Variants in AP3B2 observed in about 807,000 individuals in gnomAD.
AP3B2 encodes the protein AP-3 complex subunit beta-2.
Under a neutral mutation model 126.9 loss-of-function variants are expected in AP3B2, and 50 were observed. The ratio of observed to expected loss-of-function variants is 0.39; its 90% CI spans 0.31 to 0.50. The LOEUF is 0.50. Among genes scored for constraint, AP3B2 ranks in the 20% least tolerant of loss-of-function variants. The pLI, the probability that AP3B2 is intolerant of heterozygous loss-of-function variation, is 0.79. For missense variants in AP3B2, 1,177 were observed against 1,426.4 expected, an observed-to-expected ratio of 0.83 and a Z score of 2.82; for synonymous variants, 541 against 565.0, an observed-to-expected ratio of 0.96 and a Z score of 0.60.
At position 82,665,462 on chromosome 15, in the gene AP3B2, C is replaced by A; in HGVS notation, c.1966G>T (p.Val656Leu). Residue 656 changes from valine (V) to leucine (L), a missense_variant, in exon 16 of 27, where the codon GTG (valine) becomes TTG (leucine). Around this residue, in one of 5 missense-constraint regions of AP3B2, gnomAD observed 587 missense variants for 571.3 expected, o/e 1.03. Coordinates refer to ENST00000535359, the MANE Select transcript of AP3B2 (RefSeq NM_001278512.2). The surrounding 1 kb of genome is among the most constrained non-coding windows in gnomAD (Gnocchi z 4.4). ...CAACCCTCCACCCCGCTGACCTCCACGTTGCGCACAGATGGGTCTGGGGCT... is the reference window on the plus strand; with the variant it reads ...CAACCCTCCACCCCGCTGACCTCCAAGTTGCGCACAGATGGGTCTGGGGCT... ...EEAPDPSVRNVEEEDLSLIET... is the reference protein window; with the variant it reads ...EEAPDPSVRNLEEEDLSLIET... The A allele has an allele frequency of 6.2e-7, 1 of 1,612,546 alleles. No homozygotes were observed. The highest frequency in any genetic ancestry group is 8.5e-7 in the Non-Finnish European group (1 of 1,179,152).
At position 82,681,249 on chromosome 15, in the gene AP3B2, G is replaced by A. The variant is rs2048335468; in HGVS notation, c.522-71C>T. ...CCTTCCCAATATCTGTCCAAGCCAT[G>A]CTCACCTCCTGCACCCCAGCCTTAT... On this transcript the variant is annotated intron_variant, in intron 5 of 26. Transcript: ENST00000535359. The surrounding 1 kb of genome is among the most constrained non-coding windows in gnomAD (Gnocchi z 4.0). 5 of 1,548,846 alleles carry A rather than the reference G, an allele frequency of 3.2e-6. No individual in the cohort carries two copies. Among genetic ancestry groups the A allele is most frequent in the Non-Finnish European group, 4.4e-6 (5 of 1,139,008 alleles).
At position 82,670,119 on chromosome 15, in the gene AP3B2, G is replaced by A. The variant is rs1035019534; in HGVS notation, c.1666-3186C>T. On this transcript the variant is annotated intron_variant, in intron 14 of 26. Transcript: ENST00000535359. ...CAGTGGCTTTTTTTTTTTTGGCGGG[G>A]GGGGACGAAGATGAAGTCTCGCTCT... is the stretch of plus-strand genomic sequence containing the variant. 3.2e-3 allele frequency among the ~76,000 whole-genome samples: 432 copies of A among 135,596 alleles called. 41 individuals carry two copies. Among genetic ancestry groups the A allele is most frequent in the Admixed American group, 0.027 (357 of 13,118 alleles). The allele number at this position is 135,596 out of a possible 152,430, so 89.0% of individuals were successfully genotyped here.
chr15:82,668,764 G>A (rs2048099498), intron 14 of AP3B2, among the ~76,000 whole-genome samples: 1 of 151,912 alleles, frequency 6.6e-6, no homozygotes, highest in Non-Finnish European at 1.5e-5. Context: ...AGGATGTGCA[G>A]GAATTACAGG....
rs1404674126 is a variant in AP3B2 at position 82,661,930 on chromosome 15, G to A, written c.2919-8C>T. On this transcript the variant is annotated splice_region_variant and splice_polypyrimidine_tract_variant and intron_variant, in intron 24 of 26. Coordinates refer to ENST00000535359, the MANE Select transcript of AP3B2 (RefSeq NM_001278512.2). The stretch of plus-strand genomic sequence containing the variant: ...AACTGTCGGGTCTGGGTGCTGGGAG[G>A]GGTGGGAGGAAACGGAGAAGAATTA... 1.2e-6 allele frequency: 2 copies of A among 1,611,934 alleles called. No individual in the cohort carries two copies. Among genetic ancestry groups the A allele is most frequent in the Non-Finnish European group, 1.7e-6 (2 of 1,178,348 alleles).
chr15:82,679,719 C>A lies in AP3B2; in HGVS notation c.1182+10G>T. On this transcript the variant is annotated intron_variant, in intron 10 of 26. Transcript: ENST00000535359. ...GCTGGGAAGCACATGCACTTCTGTC[C>A]CTCACTCACCTTCAGGATCTTAATC... The A allele has an allele frequency of 6.2e-7, 1 of 1,612,268 alleles. No homozygotes were observed. Among genetic ancestry groups the A allele is most frequent in the African/African-American group, 1.3e-5 (1 of 74,962 alleles).
intron 4 of AP3B2, chr15:82,685,517 G>A (rs962418600): frequency 2.6e-5 from 4 of 152,138 alleles, no homozygotes; most frequent in African/African-American, 9.7e-5. Flanking sequence ...CAAAATTCTG[G>A]AATTGACTTT....
At chr15:82,708,300 C>A (rs558894318) in intron 1 of AP3B2, among the ~76,000 whole-genome samples, 1 of 151,940 alleles carries the variant, frequency 6.6e-6, no homozygotes, top group Non-Finnish European at 1.5e-5. Context: ...CATTTCCCTT[C>A]GCTGACTCTT....
intron 23 of AP3B2, chr15:82,662,462 A>T: frequency 1.5e-6 from 1 of 646,360 alleles, no homozygotes; most frequent in Admixed American, 2.9e-5. Context: ...CATTTAAGTT[A>T]GTCCTGAAAC....
At chr15:82,669,236 A>C (rs1240498003) in intron 14 of AP3B2, among the ~76,000 whole-genome samples, 1 of 152,256 alleles carries the variant, frequency 6.6e-6, no homozygotes, top group African/African-American at 2.4e-5. Context: ...TAGAGCAATC[A>C]GACAGGAGAA....
At chr15:82,661,739 A>T in intron 25 of AP3B2, 86 bp downstream of exon 25, 1 of 1,132,036 alleles carries the variant, frequency 8.8e-7, no homozygotes, top group Non-Finnish European at 1.3e-6. Flanking sequence ...GATGAAGGAC[A>T]CCACCATTCT....
At chr15:82,688,684 G>A (rs761808805) in intron 4 of AP3B2, 52 bp downstream of exon 4, 49 of 1,510,494 alleles carry the variant, frequency 3.2e-5, no homozygotes, top group Admixed American at 7.7e-5. Flanking sequence ...CTACTCCTCC[G>A]ATACAGCGCC....
intron 1 of AP3B2, among the ~76,000 whole-genome samples, chr15:82,704,768 C>T (rs1005182311): frequency 5.2e-5 from 8 of 152,404 alleles, no homozygotes; most frequent in Middle Eastern, 3.4e-3. Context: ...TGGACCATCA[C>T]AGATGCTTTG....
intron 1 of AP3B2, among the ~76,000 whole-genome samples, chr15:82,703,647 G>T (rs1241159193): frequency 6.6e-6 from 1 of 152,068 alleles, no homozygotes; most frequent in Non-Finnish European, 1.5e-5. Flanking sequence ...CATCCTACAA[G>T]ATCTAGATAA....
chr15:82,699,206 C>G (rs1429903250), intron 1 of AP3B2: 1 of 154,826 alleles, frequency 6.5e-6, no homozygotes, highest in African/African-American at 2.4e-5. Flanking sequence ...GGGGGTCAGT[C>G]ATGCTCACCT....
chr15:82,692,096 G>A (rs1379578786), intron 1 of AP3B2: 8 of 1,495,046 alleles, frequency 5.4e-6, no homozygotes, highest in Non-Finnish European at 7.4e-6. Context: ...CCACCACGGG[G>A]CCACCCACCC....
chr15:82,687,106 T>C (rs2048440659), intron 4 of AP3B2: 1 of 152,210 alleles, frequency 6.6e-6, no homozygotes. Context: ...GGTAGTTGTC[T>C]TGAGATGGAG....
At chr15:82,673,512 C>T (rs1168975647) in intron 14 of AP3B2, among the ~76,000 whole-genome samples, 1 of 151,934 alleles carries the variant, frequency 6.6e-6, no homozygotes, top group Non-Finnish European at 1.5e-5. Context: ...CTGAACCCAG[C>T]CTGGAGAAAA....
At chr15:82,666,703 CT>C in intron 15 of AP3B2, 43 bp downstream of exon 15, 1 of 1,590,008 alleles carries the variant, frequency 6.3e-7, no homozygotes, top group Non-Finnish European at 8.6e-7. Flanking sequence ...TGGCCAGTTC[CT>C]TTCCATTCCC....
intron 1 of AP3B2, among the ~76,000 whole-genome samples, chr15:82,694,974 A>G (rs2048609420): frequency 1.3e-5 from 2 of 152,160 alleles, no homozygotes; most frequent in Non-Finnish European, 2.9e-5. Context: ...TCACGCAGAG[A>G]TCCTAAGACC....
Sources: gnomAD v4.1 joint callset for allele counts (sites outside exome capture counted in the v4.1 genomes callset) on GRCh38, gnomAD v4.1.1 for gene constraint, gnomAD v4.1.1 regional missense constraint, Gnocchi (gnomAD v3.1) non-coding constraint, MANE v1.5 for transcripts, NCBI Gene and HGNC (gene_info 2026-07-23, HGNC 2026-07-21) for gene names.